The following ADGRF5 variants were observed in gnomAD, a reference collection of about 807,000 sequenced individuals.
ADGRF5 encodes G-protein coupled receptor 116.
Under a neutral mutation model 132.3 loss-of-function variants are expected in ADGRF5, and 75 were observed. That is an observed-to-expected ratio of 0.57 (90% CI 0.47 to 0.69). The LOEUF (loss-of-function observed/expected upper bound fraction) is 0.69. Ranked by LOEUF, ADGRF5 falls within the 30% of genes least tolerant of loss-of-function variation. ADGRF5 has a pLI of 0.00. For synonymous variants in ADGRF5, 629 were observed against 597.6 expected (o/e 1.05, Z -0.77); for missense variants, 1,516 against 1,630.6 (o/e 0.93, Z 1.21).
At chr6:46,886,144 T>A (rs147339847) in intron 4 of ADGRF5, among the ~76,000 whole-genome samples, 1 of 152,314 alleles carries the variant, frequency 6.6e-6, no homozygotes, top group African/African-American at 2.4e-5. Context: ...GGGAGCTGTT[T>A]GTTCTGCAGA....
At chr6:46,914,878 C>T (rs72859812) in intron 1 of ADGRF5, among the ~76,000 whole-genome samples, 2,328 of 151,322 alleles carry the variant, frequency 0.015, 22 homozygotes, top group Non-Finnish European at 0.025. Context: ...TTTTTTGAGA[C>T]GGAATCTCAC....
At chr6:46,869,142 G>A (rs1770776579) in intron 11 of ADGRF5, 50 bp from the exon 12 acceptor site, 1 of 1,571,762 alleles carries the variant, frequency 6.4e-7, no homozygotes. Flanking sequence ...CAAGTTCAAT[G>A]TGTAGTATCT....
At chr6:46,883,410 CAT>C (rs747365877) in intron 6 of ADGRF5, 147 bp downstream of exon 6, 48 of 619,544 alleles carry the variant, frequency 7.7e-5, no homozygotes, top group Non-Finnish European at 1.3e-4. Flanking sequence ...GATTTGAGCA[CAT>C]ATTAATTCAC....
At chr6:46,884,034 G>T in intron 5 of ADGRF5, 61 bp downstream of exon 5, 1 of 1,335,644 alleles carries the variant, frequency 7.5e-7, no homozygotes, top group Non-Finnish European at 1.1e-6. Flanking sequence ...GAGCCACCAT[G>T]CCCAGTCGTA....
intron 20 of ADGRF5, among the ~76,000 whole-genome samples, chr6:46,854,455 C>G (rs220682): frequency 0.9 from 136,963 of 152,118 alleles, 62,506 homozygotes; most frequent in East Asian, 1. Context: ...TCTTGGGAGG[C>G]ACCTAGAGGC....
At chr6:46,856,935 T>A (rs368942061) in intron 17 of ADGRF5, 27 bp from the exon 18 acceptor site, 12 of 1,558,720 alleles carry the variant, frequency 7.7e-6, no homozygotes, top group Non-Finnish European at 9.7e-6. Flanking sequence ...TGAAAAGAAG[T>A]GCATTTTAAT....
At position 46,884,120 on chromosome 6, in the gene ADGRF5, A is replaced by T. The variant is rs781296324; in HGVS notation, c.480T>A (p.Asn160Lys). 1 of 1,614,056 alleles carries T rather than the reference A, an allele frequency of 6.2e-7. No individual in the cohort carries two copies. The highest frequency in any genetic ancestry group is 1.1e-5 in the South Asian group (1 of 91,072). ...CTTCCTGAAGCAGGCAAAAAGGTCC[A>T]TTGGGAGGCAGTTCTTTAAGGCAAC... is the stretch of plus-strand genomic sequence containing the variant. Reference protein sequence around the residue: ...HCSCLKELPPNGPFCLLQEDV... With the variant: ...HCSCLKELPPKGPFCLLQEDV... The change falls in exon 5 of 21, where the codon AAT becomes AAA. Residue 160 changes from asparagine (N) to lysine (K), a missense_variant. By Grantham distance (94) the Asn-to-Lys change is moderately conservative (BLOSUM62 0). Around this residue, in one of 2 missense-constraint regions of ADGRF5, gnomAD observed 945 missense variants for 929.4 expected, o/e 1.02. Transcript: ENST00000283296.
chr6:46,899,666 T>C (rs35808428), intron 3 of ADGRF5, among the ~76,000 whole-genome samples: 1 of 150,690 alleles, frequency 6.6e-6, no homozygotes, highest in African/African-American at 2.4e-5. Context: ...GTTTTTTTTT[T>C]TGTTTGTTTT....
At chr6:46,910,152 G>A (rs1775793304) in intron 1 of ADGRF5, among the ~76,000 whole-genome samples, 2 of 152,182 alleles carry the variant, frequency 1.3e-5, no homozygotes, top group Non-Finnish European at 2.9e-5. Flanking sequence ...GCTCAGAGGT[G>A]GCTAGGAGCT....
upstream of ADGRF5, among the ~76,000 whole-genome samples, chr6:46,926,799 A>G (rs561604722): frequency 1.0e-3 from 154 of 152,250 alleles, no homozygotes; most frequent in Middle Eastern, 0.014. Flanking sequence ...AAGAGCAGGT[A>G]TTTGAGGACA....
intron 13 of ADGRF5, among the ~76,000 whole-genome samples, 161 bp downstream of exon 13, chr6:46,866,764 A>G (rs1479893848): frequency 6.6e-6 from 1 of 152,208 alleles, no homozygotes; most frequent in Non-Finnish European, 1.5e-5. Flanking sequence ...ACCACTAGCC[A>G]CATAGCAAAA....
intron 1 of ADGRF5, among the ~76,000 whole-genome samples, chr6:46,936,930 C>T (rs1346512857): frequency 6.6e-6 from 1 of 152,146 alleles, no homozygotes; most frequent in Non-Finnish European, 1.5e-5. Context: ...CCTGGGGGAT[C>T]CCCCTCTCCC....
chr6:46,878,171 A>G lies in ADGRF5; in HGVS notation c.1240+31T>C, dbSNP rs1243381207. On this transcript the variant is annotated intron_variant, in intron 10 of 20. Coordinates refer to ENST00000283296, the MANE Select transcript of ADGRF5 (RefSeq NM_001098518.2). ...CTACTTGGCCAAGAGGCAAAAACCT[A>G]TTTGCAAAAGGGCTTATCTAACATT... is the stretch of plus-strand genomic sequence containing the variant. 6 of 1,451,304 alleles carry G rather than the reference A, an allele frequency of 4.1e-6. No homozygotes were observed. In the South Asian group the frequency reaches 4.6e-5, roughly 11 times the overall value. 89.9% of individuals were successfully genotyped at this position (1,451,304 alleles called of 1,614,324 possible).
rs1049377896 is a variant in ADGRF5 at position 46,879,697 on chromosome 6, G to A, written c.1036+121C>T. 1.7e-5 allele frequency: 12 copies of A among 718,154 alleles called. No individual in the cohort carries two copies. The African/African-American group carries it at 1.9e-4, about 12-fold the overall frequency. 44.5% of individuals were successfully genotyped at this position (718,154 alleles called of 1,614,324 possible). On this transcript the variant is annotated intron_variant, in intron 9 of 20. Coordinates refer to ENST00000283296, the MANE Select transcript of ADGRF5 (RefSeq NM_001098518.2). ...TTTTCAGTTTTGAAAGGTTGAACCA[G>A]GAGACTTATTTTGGAAGAGAAAAAC... is the stretch of plus-strand genomic sequence containing the variant.
At chr6:46,874,868 G>A (rs1771471575) in intron 10 of ADGRF5, among the ~76,000 whole-genome samples, 1 of 152,218 alleles carries the variant, frequency 6.6e-6, no homozygotes, top group South Asian at 2.1e-4. Flanking sequence ...GGCAAGGTTT[G>A]GAGACATTTT....
intron 13 of ADGRF5, among the ~76,000 whole-genome samples, chr6:46,866,504 A>G (rs963951588): frequency 1.3e-5 from 2 of 152,026 alleles, no homozygotes; most frequent in Non-Finnish European, 2.9e-5. Context: ...CATCATTTCT[A>G]TTTTATTTTC....
upstream of ADGRF5, among the ~76,000 whole-genome samples, chr6:46,925,882 C>A (rs1777221333): frequency 6.6e-6 from 1 of 152,218 alleles, no homozygotes; most frequent in Admixed American, 6.5e-5. Context: ...ATTCTCCTAC[C>A]TTCATATCTT....
intron 13 of ADGRF5, 97 bp from the exon 14 acceptor site, chr6:46,865,294 T>C (rs1581752833): frequency 1.2e-6 from 1 of 821,502 alleles, no homozygotes; most frequent in Non-Finnish European, 1.9e-6. Flanking sequence ...CTGTCCAAGC[T>C]TTCCCGAGGA....
In ADGRF5 at chr6:46,884,074, A is replaced by C; in HGVS notation, c.505+21T>G. ...GATGTTGAATAGCCACTCAACGAGCATTTAATGAGCAGTTACTTACCTTCC... is the reference window on the plus strand; with the variant it reads ...GATGTTGAATAGCCACTCAACGAGCCTTTAATGAGCAGTTACTTACCTTCC... On this transcript the variant is annotated intron_variant, in intron 5 of 20. Coordinates refer to ENST00000283296, the MANE Select transcript of ADGRF5 (RefSeq NM_001098518.2). 2.5e-6 allele frequency: 4 copies of C among 1,602,562 alleles called. No individual in the cohort carries two copies. In the South Asian group the frequency reaches 4.4e-5, roughly 18 times the overall value.
Sources: allele counts gnomAD v4.1 joint callset (sites outside exome capture counted in the v4.1 genomes callset), GRCh38; gene constraint gnomAD v4.1.1; regional missense constraint gnomAD v4.1.1; transcripts MANE v1.5; gene names NCBI Gene and HGNC (gene_info 2026-07-23, HGNC 2026-07-21).